Variants in C3orf70 observed in about 807,000 individuals in gnomAD.
C3orf70 encodes the protein chromosome 3 open reading frame 70.
C3orf70 carries 15 observed loss-of-function variants against 20.7 expected under a neutral mutation model. That is an observed-to-expected ratio of 0.72 (90% confidence interval 0.48 to 1.11). The LOEUF is 1.11. Among genes scored for constraint, C3orf70 ranks in the 50% most tolerant of loss-of-function variants. C3orf70 has a pLI of 0.00. For synonymous variants in C3orf70, 161 were observed against 125.7 expected (o/e 1.28, Z -1.88); for missense variants, 332 against 317.6 (o/e 1.05, Z -0.34).
At chr3:185,142,268 G>T (rs1417468472) in intron 1 of C3orf70, among the ~76,000 whole-genome samples, 2 of 152,098 alleles carry the variant, frequency 1.3e-5, no homozygotes, top group African/African-American at 4.8e-5. Context: ...GATCAGCCTG[G>T]ACAACACAGT....
At chr3:185,110,262 A>G (rs533993878) in intron 1 of C3orf70, among the ~76,000 whole-genome samples, 11 of 152,344 alleles carry the variant, frequency 7.2e-5, no homozygotes, top group African/African-American at 2.6e-4. Context: ...GCAAAATTAA[A>G]GAACAAATAT....
chr3:185,082,835 T>G lies in C3orf70; in HGVS notation c.*172A>C. On this transcript the variant is annotated 3_prime_UTR_variant, in exon 2 of 2. Coordinates refer to ENST00000335012, the MANE Select transcript of C3orf70 (RefSeq NM_001025266.3). ...AACTGTTTATAATAAAAAGAATGTC[T>G]TAGTTGTAAGACGGAGAGAAGCTAA... is the stretch of plus-strand genomic sequence containing the variant. 2 of 639,624 alleles carry G rather than the reference T, an allele frequency of 3.1e-6. No individual in the cohort carries two copies. The highest frequency in any genetic ancestry group is 5.5e-6 in the Non-Finnish European group (2 of 365,214). The allele number at this position is 639,624 out of a possible 1,614,324, so 39.6% of individuals were successfully genotyped here.
At chr3:185,150,155 T>C (rs1402162462) in intron 1 of C3orf70, among the ~76,000 whole-genome samples, 1 of 152,214 alleles carries the variant, frequency 6.6e-6, no homozygotes, top group Non-Finnish European at 1.5e-5. Flanking sequence ...ATAAGATGGA[T>C]AACAGTGCAA....
intron 1 of C3orf70, among the ~76,000 whole-genome samples, chr3:185,107,779 A>G (rs1378106453): frequency 6.6e-6 from 1 of 152,186 alleles, no homozygotes; most frequent in East Asian, 1.9e-4. Flanking sequence ...AACCTATGTG[A>G]GCATTACAGC....
chr3:185,092,858 G>A (rs1715620811), intron 1 of C3orf70, among the ~76,000 whole-genome samples: 1 of 152,130 alleles, frequency 6.6e-6, no homozygotes. Context: ...GGGTGCGGTG[G>A]CACATGCCTG....
At chr3:185,110,357 T>C (rs943066355) in intron 1 of C3orf70, among the ~76,000 whole-genome samples, 18 of 152,218 alleles carry the variant, frequency 1.2e-4, no homozygotes, top group South Asian at 2.1e-4. Flanking sequence ...GCTAGTAACC[T>C]GTTAAAATGG....
intron 1 of C3orf70, among the ~76,000 whole-genome samples, chr3:185,134,819 A>C (rs2108603681): frequency 6.6e-6 from 1 of 152,290 alleles, no homozygotes; most frequent in Admixed American, 6.5e-5. Context: ...TGCAGAAATC[A>C]GGACTCAGTG....
intron 1 of C3orf70, among the ~76,000 whole-genome samples, chr3:185,114,056 G>A (rs1023585988): frequency 4.6e-5 from 7 of 151,982 alleles, no homozygotes; most frequent in Non-Finnish European, 7.4e-5. Context: ...AAAATTAGCC[G>A]GCCATGGTGG....
intron 1 of C3orf70, among the ~76,000 whole-genome samples, chr3:185,087,892 T>C (rs904278919): frequency 1.5e-4 from 22 of 149,504 alleles, no homozygotes; most frequent in Admixed American, 9.0e-4. Flanking sequence ...TGACTTTATG[T>C]ATTTTAAATT....
chr3:185,122,571 A>T (rs1049409991), intron 1 of C3orf70, among the ~76,000 whole-genome samples: 3 of 152,244 alleles, frequency 2.0e-5, no homozygotes, highest in Admixed American at 6.5e-5. Context: ...AAGGAGATGC[A>T]TATGGGTGCC....
At chr3:185,149,399 A>AC (rs1303345287) in intron 1 of C3orf70, among the ~76,000 whole-genome samples, 1 of 151,644 alleles carries the variant, frequency 6.6e-6, no homozygotes, top group Non-Finnish European at 1.5e-5. Context: ...TCTCCCAAAA[A>AC]AAAAAAAAAA....
intron 1 of C3orf70, among the ~76,000 whole-genome samples, chr3:185,111,215 T>C (rs191087899): frequency 1.8e-3 from 268 of 152,220 alleles, no homozygotes; most frequent in African/African-American, 6.0e-3. Context: ...TGTTAAAGCA[T>C]AAGCAATGAA....
Position 185,152,853 on chromosome 3 carries a change from G to T in C3orf70, c.-30C>A. ...TCTCCCTCCGCGCGGAGCCGACACC[G>T]GGAGCCCGGGAGAAGCGACGTCTGG... is the stretch of plus-strand genomic sequence containing the variant. On this transcript the variant is annotated 5_prime_UTR_variant, in exon 1 of 2. Coordinates refer to ENST00000335012, the MANE Select transcript of C3orf70 (RefSeq NM_001025266.3). 2.7e-6 allele frequency: 4 copies of T among 1,479,454 alleles called. No individual in the cohort carries two copies. Among genetic ancestry groups the T allele is most frequent in the East Asian group, 2.8e-5 (1 of 35,382 alleles). 91.6% of individuals were successfully genotyped at this position (1,479,454 alleles called of 1,614,324 possible). A position where few individuals can be genotyped will look rare whatever the true frequency, so the allele number is the denominator to read the frequency against.
chr3:185,134,255 T>C (rs140123186), intron 1 of C3orf70, among the ~76,000 whole-genome samples: 1 of 152,234 alleles, frequency 6.6e-6, no homozygotes, highest in East Asian at 1.9e-4. Context: ...TTTTGAACCA[T>C]GAAAACTTTT....
At chr3:185,122,219 C>G (rs1716317748) in intron 1 of C3orf70, among the ~76,000 whole-genome samples, 1 of 151,578 alleles carries the variant, frequency 6.6e-6, no homozygotes, top group Admixed American at 6.6e-5. Flanking sequence ...GTAATATTAC[C>G]AAGGATAAAG....
intron 1 of C3orf70, among the ~76,000 whole-genome samples, chr3:185,092,365 C>CTGAG (rs1715610352): frequency 6.6e-6 from 1 of 152,124 alleles, no homozygotes; most frequent in Non-Finnish European, 1.5e-5. Context: ...CCTCCCATTC[C>CTGAG]TGAGTTTCTG....
intron 1 of C3orf70, among the ~76,000 whole-genome samples, chr3:185,086,275 A>G (rs937134822): frequency 2.6e-5 from 4 of 151,444 alleles, no homozygotes; most frequent in Admixed American, 2.6e-4. Context: ...TCTGGTCCCC[A>G]CTCATCCAAA....
intron 1 of C3orf70, among the ~76,000 whole-genome samples, chr3:185,084,513 C>A (rs1715421001): frequency 6.6e-6 from 1 of 151,790 alleles, no homozygotes; most frequent in Non-Finnish European, 1.5e-5. Flanking sequence ...CTCCCCCGCA[C>A]CCCTCCCCGA....
At chr3:185,113,957 T>C (rs1716127055) in intron 1 of C3orf70, among the ~76,000 whole-genome samples, 1 of 152,318 alleles carries the variant, frequency 6.6e-6, no homozygotes. Flanking sequence ...CCTAGCACTT[T>C]GGGAGGCCGA....
Sources: gnomAD v4.1 joint callset for allele counts (sites outside exome capture counted in the v4.1 genomes callset) on GRCh38, gnomAD v4.1.1 for gene constraint, MANE v1.5 for transcripts, NCBI Gene and HGNC (gene_info 2026-07-23, HGNC 2026-07-21) for gene names.